The following SKIC3 variants were observed in gnomAD, a reference collection of about 807,000 sequenced individuals.
SKIC3 encodes SKI3 subunit of superkiller complex.
At chr5:95,480,981 A>G in the SKIC3 span, among the ~76,000 whole-genome samples, 1 of 152,108 alleles carries the variant, frequency 6.6e-6, no homozygotes, top group Non-Finnish European at 1.5e-5. Context: ...AGATCAACTG[A>G]CAGAGGCCTA....
At chr5:95,541,398 C>A in the SKIC3 span, 1 of 1,590,668 alleles carries the variant, frequency 6.3e-7, no homozygotes, top group Non-Finnish European at 8.6e-7. Context: ...CAAAACAAAA[C>A]ACACACACAC....
chr5:95,530,291 T>C, the SKIC3 span: 1 of 1,583,648 alleles, frequency 6.3e-7, no homozygotes, highest in Non-Finnish European at 8.6e-7. Context: ...CCCAAACCCA[T>C]ATTCTTAAAT....
the SKIC3 span, chr5:95,490,822 C>T: frequency 1.9e-6 from 3 of 1,551,376 alleles, no homozygotes; most frequent in African/African-American, 4.1e-5. Flanking sequence ...TTTATAACAA[C>T]ATATGCTGAA....
chr5:95,464,648 T>G, the SKIC3 span: 7 of 1,613,644 alleles, frequency 4.3e-6, no homozygotes, highest in Non-Finnish European at 5.9e-6. Flanking sequence ...AATGCTCTTG[T>G]ATCTCCATGA....
chr5:95,496,258 TC>T, the SKIC3 span, among the ~76,000 whole-genome samples: 2,011 of 152,094 alleles, frequency 0.013, 16 homozygotes, highest in Non-Finnish European at 0.022. Context: ...CCTCAGGTAA[TC>T]CCCCCTCCTT....
the SKIC3 span, chr5:95,525,392 C>A: frequency 6.2e-7 from 1 of 1,613,182 alleles, no homozygotes; most frequent in Non-Finnish European, 8.5e-7. Context: ...ATTTATATAT[C>A]CTTACCATTT....
chr5:95,545,487 G>A, the SKIC3 span, among the ~76,000 whole-genome samples: 1 of 152,078 alleles, frequency 6.6e-6, no homozygotes, highest in African/African-American at 2.4e-5. Flanking sequence ...CCCAATCTGG[G>A]TCAGCCAAGT....
the SKIC3 span, among the ~76,000 whole-genome samples, chr5:95,527,712 T>A: frequency 5.9e-5 from 9 of 152,236 alleles, 1 homozygote; most frequent in African/African-American, 2.2e-4. Context: ...AAATTTGGAA[T>A]CTCAAATTAA....
At chr5:95,540,627 T>A in the SKIC3 span, 1 of 1,590,904 alleles carries the variant, frequency 6.3e-7, no homozygotes, top group South Asian at 1.1e-5. Flanking sequence ...ATGTTTCCAT[T>A]TTCTAAATTC....
chr5:95,495,461 C>T, the SKIC3 span: 1 of 161,806 alleles, frequency 6.2e-6, no homozygotes, highest in Admixed American at 6.0e-5. Flanking sequence ...CAACTCAATA[C>T]TAAAAATAAG....
chr5:95,472,379 C>T, the SKIC3 span, among the ~76,000 whole-genome samples: 1 of 152,224 alleles, frequency 6.6e-6, no homozygotes, highest in Non-Finnish European at 1.5e-5. Context: ...CAATTCTCCT[C>T]TTCTCTGTCC....
At chr5:95,540,648 T>C in the SKIC3 span, 1 of 1,610,418 alleles carries the variant, frequency 6.2e-7, no homozygotes, top group Non-Finnish European at 8.5e-7. Flanking sequence ...AATTAAATGA[T>C]CAATTTTCAT....
chr5:95,544,557 T>G, the SKIC3 span, among the ~76,000 whole-genome samples: 2 of 152,212 alleles, frequency 1.3e-5, no homozygotes, highest in African/African-American at 4.8e-5. Flanking sequence ...TTATTTATTT[T>G]GACTTCAACA....
the SKIC3 span, chr5:95,525,504 ATAAAG>A: frequency 6.2e-7 from 1 of 1,613,978 alleles, no homozygotes; most frequent in Non-Finnish European, 8.5e-7. Context: ...TCCATAATCT[ATAAAG>A]TAGACACCTG....
chr5:95,512,465 CA>C, the SKIC3 span: 1 of 1,612,806 alleles, frequency 6.2e-7, no homozygotes. Flanking sequence ...TATTATATAA[CA>C]GGTACCTTAC....
chr5:95,498,445 A>T, the SKIC3 span: 235 of 1,614,170 alleles, frequency 1.5e-4, 2 homozygotes, highest in South Asian at 2.3e-3. Context: ...TGATGTAAGA[A>T]GGCACCTCTG....
the SKIC3 span, chr5:95,520,941 G>T: frequency 1.4e-6 from 1 of 713,246 alleles, no homozygotes; most frequent in South Asian, 1.7e-5. Flanking sequence ...TTAACGGTGT[G>T]TTATAAAATT....
the SKIC3 span, chr5:95,523,157 C>T: frequency 5.0e-6 from 8 of 1,611,134 alleles, no homozygotes; most frequent in South Asian, 2.2e-5. Context: ...TTTAAGGAAC[C>T]GTTATGCTTG....
At chr5:95,543,176 C>G in the SKIC3 span, 1 of 1,613,418 alleles carries the variant, frequency 6.2e-7, no homozygotes, top group Admixed American at 1.7e-5. Context: ...AAAAAAATTT[C>G]TACATACCTG....
Sources: allele counts gnomAD v4.1 joint callset (sites outside exome capture counted in the v4.1 genomes callset), GRCh38; gene constraint gnomAD v4.1.1; transcripts MANE v1.5; gene names NCBI Gene and HGNC (gene_info 2026-07-23, HGNC 2026-07-21).